The following GLRA2 variants were observed in gnomAD, a reference collection of about 807,000 sequenced individuals.
The protein encoded by GLRA2 is glycine receptor subunit alpha-2.
GLRA2 carries 11 observed loss-of-function variants against 31.6 expected under a neutral mutation model. The observed-to-expected ratio is 0.35, with a 90% confidence interval of 0.22 to 0.58. The LOEUF is 0.58. Ranked by LOEUF, GLRA2 falls within the 20% of genes least tolerant of loss-of-function variation. The pLI is 0.84. For missense variants in GLRA2, 212 were observed against 351.8 expected (o/e 0.60, Z 3.18); for synonymous variants, 132 against 134.0 (o/e 0.99, Z 0.10).
chrX:14,572,290 T>C (rs1005051044), intron 2 of GLRA2, among the ~76,000 whole-genome samples: 1 of 112,470 alleles, frequency 8.9e-6, no homozygotes, highest in Non-Finnish European at 1.9e-5. Context: ...AAATTTATGC[T>C]TTTAAATGAC....
At chrX:14,561,487 C>G (rs969206932) in intron 2 of GLRA2, among the ~76,000 whole-genome samples, 2 of 112,471 alleles carry the variant, frequency 1.8e-5, no homozygotes, top group Non-Finnish European at 3.8e-5. Context: ...TTGTCTACAG[C>G]TATTTTCACT....
intron 7 of GLRA2, among the ~76,000 whole-genome samples, chrX:14,653,878 G>A (rs982002870): frequency 1.8e-5 from 2 of 112,187 alleles, no homozygotes; most frequent in Non-Finnish European, 3.8e-5. Context: ...TAATCCCAGC[G>A]AATTGGGAGG....
chrX:14,523,979 C>A, the GLRA2 span, among the ~76,000 whole-genome samples: 1 of 112,061 alleles, frequency 8.9e-6, no homozygotes, highest in African/African-American at 3.2e-5. Flanking sequence ...AGCAACTCAT[C>A]ATCCATTCAA....
chrX:14,492,416 C>T, the GLRA2 span, among the ~76,000 whole-genome samples: 2 of 111,503 alleles, frequency 1.8e-5, no homozygotes, highest in African/African-American at 6.5e-5. Context: ...GAAATACATA[C>T]ACTTTACCCT....
chrX:14,566,858 C>A (rs907409408), intron 2 of GLRA2, among the ~76,000 whole-genome samples: 2 of 111,794 alleles, frequency 1.8e-5, no homozygotes, highest in African/African-American at 6.5e-5. Context: ...TTAGATAACA[C>A]CCTAGACTGA....
chrX:14,710,152 G>T (rs971475030), intron 8 of GLRA2, among the ~76,000 whole-genome samples: 14 of 111,529 alleles, frequency 1.3e-4, no homozygotes, highest in African/African-American at 4.2e-4. Flanking sequence ...AGACATCGAG[G>T]GCCAGACCAA....
chrX:14,620,922 A>T (rs1024144670), intron 7 of GLRA2, among the ~76,000 whole-genome samples: 1 of 110,880 alleles, frequency 9.0e-6, no homozygotes, highest in Admixed American at 9.6e-5. Context: ...TCTCTTCCTT[A>T]CTTCCACGAC....
chrX:14,654,860 A>C (rs1295406309), intron 7 of GLRA2, among the ~76,000 whole-genome samples: 2 of 111,897 alleles, frequency 1.8e-5, no homozygotes, highest in African/African-American at 3.3e-5. Context: ...TGAAAGGCAC[A>C]TCTCACATGG....
At chrX:14,587,413 G>A (rs1292254192) in intron 4 of GLRA2, among the ~76,000 whole-genome samples, 3 of 112,231 alleles carry the variant, frequency 2.7e-5, no homozygotes, top group African/African-American at 9.7e-5. Context: ...CCCACCAACA[G>A]TTTGTGTTTG....
chrX:14,675,227 A>G (rs961185990), intron 7 of GLRA2, among the ~76,000 whole-genome samples: 11 of 111,328 alleles, frequency 9.9e-5, no homozygotes, highest in Non-Finnish European at 2.1e-4. Context: ...GAGTGTCCCT[A>G]TGGTGCCTCT....
chrX:14,599,293 T>G (rs2090241842), intron 4 of GLRA2, among the ~76,000 whole-genome samples: 1 of 112,317 alleles, frequency 8.9e-6, no homozygotes, highest in Non-Finnish European at 1.9e-5. Flanking sequence ...TGCCTTCATG[T>G]GCAATGGCCT....
the GLRA2 span, among the ~76,000 whole-genome samples, chrX:14,467,208 CA>C: frequency 9.0e-6 from 1 of 111,433 alleles, no homozygotes; most frequent in African/African-American, 3.3e-5. Context: ...TATTTTAGAA[CA>C]AAAAAAAGAT....
At chrX:14,504,406 G>GT in the GLRA2 span, among the ~76,000 whole-genome samples, 3,984 of 109,740 alleles carry the variant, frequency 0.036, 83 homozygotes, top group African/African-American at 0.079. Context: ...AGCCAAACAG[G>GT]TTTTTTTTTG....
At chrX:14,523,261 C>T in the GLRA2 span, among the ~76,000 whole-genome samples, 1 of 111,793 alleles carries the variant, frequency 8.9e-6, no homozygotes, top group African/African-American at 3.3e-5. Flanking sequence ...TCTTCTGCAG[C>T]TTCCTCACCT....
rs566740387 is a variant in GLRA2 at position 14,681,532 on chromosome X, G to C, written c.931-9178G>C. On this transcript the variant is annotated intron_variant, in intron 7 of 8. Transcript: ENST00000218075. ...GTGATACAAAGTAATACTGCACAGG[G>C]CCTAAACTAAAAACGAAAACAAAAA... Among the ~76,000 whole-genome samples the C allele has an allele frequency of 4.9e-4, 54 of 110,879 alleles. 1 individual carries two copies. The South Asian group carries it at 0.02, about 42-fold the overall frequency.
intron 8 of GLRA2, among the ~76,000 whole-genome samples, chrX:14,701,262 G>A (rs979750741): frequency 9.0e-6 from 1 of 111,161 alleles, no homozygotes; most frequent in African/African-American, 3.3e-5. Flanking sequence ...GGATATGTAG[G>A]GGCATCAATG....
At chrX:14,449,401 A>C in the GLRA2 span, among the ~76,000 whole-genome samples, 29 of 112,539 alleles carry the variant, frequency 2.6e-4, no homozygotes, top group African/African-American at 8.7e-4. Context: ...GAGGAAGCAG[A>C]GCTTAAACCT....
intron 2 of GLRA2, among the ~76,000 whole-genome samples, chrX:14,541,403 T>A (rs942597264): frequency 9.0e-6 from 1 of 111,663 alleles, no homozygotes; most frequent in African/African-American, 3.3e-5. Flanking sequence ...CAGCTACTCA[T>A]CTTGGCAATT....
intron 4 of GLRA2, among the ~76,000 whole-genome samples, chrX:14,589,602 C>T (rs1292211729): frequency 1.0e-4 from 11 of 106,118 alleles, no homozygotes; most frequent in African/African-American, 3.1e-4. Context: ...ACTCAGGAGG[C>T]GGAGGCTGCA....
Sources: allele counts gnomAD v4.1 joint callset (sites outside exome capture counted in the v4.1 genomes callset), GRCh38; gene constraint gnomAD v4.1.1; transcripts MANE v1.5; gene names NCBI Gene and HGNC (gene_info 2026-07-23, HGNC 2026-07-21).